Variants in IMMP2L observed in about 807,000 individuals in gnomAD.
IMMP2L encodes inner mitochondrial membrane peptidase subunit 2.
A neutral mutation model predicts 19.3 loss-of-function variants in IMMP2L; 18 were observed. The observed-to-expected ratio is 0.93, with a 90% CI of 0.64 to 1.38. The LOEUF is 1.38. IMMP2L is among the 40% of genes most tolerant of loss of function. The probability of loss-of-function intolerance (pLI) is 0.00; values close to 1 mark genes in which losing one functional copy is unlikely to be tolerated. For synonymous variants in IMMP2L, 76 were observed against 73.0 expected (o/e 1.04, Z -0.21); for missense variants, 233 against 218.2 (o/e 1.07, Z -0.43).
intron 3 of IMMP2L, among the ~76,000 whole-genome samples, chr7:111,345,145 CATT>C (rs903565304): frequency 6.6e-6 from 1 of 152,082 alleles, no homozygotes; most frequent in Admixed American, 6.6e-5. Flanking sequence ...TCACATAAAA[CATT>C]ATCCACATTT....
chr7:111,280,251 G>A (rs190220942), intron 3 of IMMP2L, among the ~76,000 whole-genome samples: 13 of 152,176 alleles, frequency 8.5e-5, no homozygotes, highest in Non-Finnish European at 1.2e-4. Context: ...TTCCCGGGAC[G>A]TCACATTTGT....
chr7:110,869,881 A>G (rs1808369501), intron 5 of IMMP2L, among the ~76,000 whole-genome samples: 1 of 152,112 alleles, frequency 6.6e-6, no homozygotes, highest in South Asian at 2.1e-4. Flanking sequence ...TTTTACTACT[A>G]GATTTCAGGC....
chr7:111,387,608 T>C (rs1004700189), intron 3 of IMMP2L, among the ~76,000 whole-genome samples: 3 of 152,196 alleles, frequency 2.0e-5, no homozygotes, highest in Admixed American at 6.5e-5. Flanking sequence ...CCAGTGTTAT[T>C]GCCTTGCATA....
At chr7:111,128,520 C>A (rs1233535958) in intron 3 of IMMP2L, among the ~76,000 whole-genome samples, 2 of 152,108 alleles carry the variant, frequency 1.3e-5, no homozygotes, top group African/African-American at 2.4e-5. Context: ...ATTCTTTAGA[C>A]TGGCTAAATT....
At chr7:111,183,744 C>T (rs1188644942) in intron 3 of IMMP2L, among the ~76,000 whole-genome samples, 6 of 152,052 alleles carry the variant, frequency 3.9e-5, no homozygotes, top group East Asian at 1.9e-4. Flanking sequence ...TGTAGTTCAT[C>T]GAGACCCTTT....
At chr7:111,379,664 T>G (rs1831011605) in intron 3 of IMMP2L, among the ~76,000 whole-genome samples, 1 of 151,772 alleles carries the variant, frequency 6.6e-6, no homozygotes, top group South Asian at 2.1e-4. Flanking sequence ...TCTGAAGGCT[T>G]AAGTTTCAAG....
chr7:110,921,397 C>G (rs2129550504), intron 4 of IMMP2L, among the ~76,000 whole-genome samples: 1 of 152,208 alleles, frequency 6.6e-6, no homozygotes, highest in African/African-American at 2.4e-5. Flanking sequence ...AGATGTTCAT[C>G]TGCTAGAAAC....
chr7:111,485,513 G>A (rs1156449545), intron 3 of IMMP2L, among the ~76,000 whole-genome samples: 2 of 139,732 alleles, frequency 1.4e-5, no homozygotes, highest in African/African-American at 5.3e-5. Flanking sequence ...CAGGAGAATG[G>A]CCTGAACCCA....
intron 5 of IMMP2L, among the ~76,000 whole-genome samples, chr7:110,823,119 T>C (rs1054381969): frequency 1.1e-4 from 16 of 152,134 alleles, no homozygotes; most frequent in African/African-American, 3.9e-4. Context: ...TTTAATGTAA[T>C]TTTTATTGAC....
intron 5 of IMMP2L, among the ~76,000 whole-genome samples, chr7:110,692,784 T>C (rs1425083742): frequency 6.6e-6 from 1 of 152,206 alleles, no homozygotes; most frequent in Non-Finnish European, 1.5e-5. Flanking sequence ...AAATATTGTT[T>C]ATTCTCATGA....
chr7:111,203,601 G>A (rs1810390602), intron 3 of IMMP2L, among the ~76,000 whole-genome samples: 3 of 129,712 alleles, frequency 2.3e-5, no homozygotes, highest in Non-Finnish European at 3.2e-5. Context: ...TAAAACTGAA[G>A]GACCAAAGAA....
At chr7:111,057,234 A>T (rs1793598094) in intron 3 of IMMP2L, among the ~76,000 whole-genome samples, 1 of 152,176 alleles carries the variant, frequency 6.6e-6, no homozygotes, top group Non-Finnish European at 1.5e-5. Flanking sequence ...ATTCACCCAT[A>T]GTGCAGGCTG....
At chr7:111,036,990 T>A (rs1791420083) in intron 3 of IMMP2L, among the ~76,000 whole-genome samples, 1 of 152,184 alleles carries the variant, frequency 6.6e-6, no homozygotes, top group Admixed American at 6.6e-5. Flanking sequence ...ATGAATGAAA[T>A]GTCAAGGACC....
At chr7:110,688,875 CAT>C (rs894601832) in intron 5 of IMMP2L, among the ~76,000 whole-genome samples, 11 of 150,418 alleles carry the variant, frequency 7.3e-5, no homozygotes, top group South Asian at 2.1e-4. Flanking sequence ...ATACATATAA[CAT>C]GTGTACATAT....
intron 2 of IMMP2L, among the ~76,000 whole-genome samples, chr7:111,499,093 G>T: frequency 6.6e-6 from 1 of 152,164 alleles, no homozygotes; most frequent in East Asian, 1.9e-4. Context: ...TAGCCAGCTT[G>T]TCTGGCTGTG....
At chr7:111,410,399 A>G (rs1834296237) in intron 3 of IMMP2L, among the ~76,000 whole-genome samples, 2 of 151,832 alleles carry the variant, frequency 1.3e-5, no homozygotes, top group South Asian at 2.1e-4. Flanking sequence ...ATTTAAAAGA[A>G]AAACCAAAAT....
intron 1 of IMMP2L, among the ~76,000 whole-genome samples, chr7:111,536,352 C>A (rs758731431): frequency 1.3e-5 from 2 of 151,782 alleles, no homozygotes; most frequent in South Asian, 4.2e-4. Context: ...CTGTTGCCCA[C>A]GCTGGAGTGC....
intron 3 of IMMP2L, among the ~76,000 whole-genome samples, chr7:111,351,094 C>T (rs1828099932): frequency 6.6e-6 from 1 of 152,122 alleles, no homozygotes; most frequent in South Asian, 2.1e-4. Context: ...ACATTTTTTG[C>T]TCAATTCGCT....
chr7:111,521,204 T>C, intron 2 of IMMP2L, 109 bp downstream of exon 2: 1 of 1,222,214 alleles, frequency 8.2e-7, no homozygotes, highest in East Asian at 2.3e-5. Flanking sequence ...CAATGCCTTT[T>C]TATAACCTTT....
Sources: allele counts gnomAD v4.1 joint callset (sites outside exome capture counted in the v4.1 genomes callset), GRCh38; gene constraint gnomAD v4.1.1; transcripts MANE v1.5; gene names NCBI Gene and HGNC (gene_info 2026-07-23, HGNC 2026-07-21).